The following CEP15 variants were observed in gnomAD, a reference collection of about 807,000 sequenced individuals.
CEP15 encodes centrosomal protein 15.
At chr3:62,322,181 C>G in the CEP15 span, 1 of 977,784 alleles carries the variant, frequency 1.0e-6, no homozygotes, top group East Asian at 2.6e-5. This position sits in a 1 kb window ranked among gnomAD's most constrained non-coding sequence, Gnocchi z 5.5. Flanking sequence ...AAAGCAGCAT[C>G]TTTTTTAAAA....
At chr3:62,335,900 A>C in the CEP15 span, 7 of 152,172 alleles carry the variant, frequency 4.6e-5, no homozygotes, top group Non-Finnish European at 1.0e-4. Context: ...AGATCAGAAG[A>C]AGCTACAGTT....
chr3:62,333,241 A>G, the CEP15 span: 1 of 1,592,796 alleles, frequency 6.3e-7, no homozygotes, highest in Non-Finnish European at 8.6e-7. This position sits in a 1 kb window ranked among gnomAD's most constrained non-coding sequence, Gnocchi z 4.0. Context: ...TTACTTTTGG[A>G]TTTTTTTTTC....
At chr3:62,326,038 A>C in the CEP15 span, among the ~76,000 whole-genome samples, 2 of 152,004 alleles carry the variant, frequency 1.3e-5, no homozygotes, top group East Asian at 3.9e-4. Flanking sequence ...AAAAAAAAAA[A>C]AAGGCAATTC....
the CEP15 span, among the ~76,000 whole-genome samples, chr3:62,323,702 A>G: frequency 6.6e-6 from 1 of 152,204 alleles, no homozygotes; most frequent in Non-Finnish European, 1.5e-5. Context: ...TCATACATAT[A>G]TAAGGAACAT....
At chr3:62,321,899 T>A in the CEP15 span, 1 of 1,517,370 alleles carries the variant, frequency 6.6e-7, no homozygotes, top group Non-Finnish European at 8.9e-7. This position sits in a 1 kb window ranked among gnomAD's most constrained non-coding sequence, Gnocchi z 4.1. Flanking sequence ...TTTACTTTTT[T>A]AACTCTATAT....
At chr3:62,332,928 A>G in the CEP15 span, among the ~76,000 whole-genome samples, 2 of 152,096 alleles carry the variant, frequency 1.3e-5, no homozygotes, top group East Asian at 3.9e-4. Flanking sequence ...TTTAATGATT[A>G]TATCACCATA....
At chr3:62,331,394 C>G in the CEP15 span, 1 of 1,612,708 alleles carries the variant, frequency 6.2e-7, no homozygotes, top group Non-Finnish European at 8.5e-7. Flanking sequence ...GGTGGTTTCT[C>G]TTGAGGTGAG....
chr3:62,332,799 C>A, the CEP15 span, among the ~76,000 whole-genome samples: 20 of 152,148 alleles, frequency 1.3e-4, no homozygotes, highest in Middle Eastern at 3.4e-3. Flanking sequence ...CTGATCTCAT[C>A]CCAGGTCAAA....
chr3:62,333,540 T>C, the CEP15 span: 1 of 786,594 alleles, frequency 1.3e-6, no homozygotes, highest in Non-Finnish European at 1.9e-6. The surrounding 1 kb of genome is among the most constrained non-coding windows in gnomAD (Gnocchi z 4.0). Context: ...TACTGGCAAG[T>C]CACATGTTAT....
At chr3:62,325,557 G>A in the CEP15 span, among the ~76,000 whole-genome samples, 1 of 152,118 alleles carries the variant, frequency 6.6e-6, no homozygotes, top group Non-Finnish European at 1.5e-5. Context: ...AACACAGGGT[G>A]GGTGATTTTT....
the CEP15 span, chr3:62,319,188 A>G: frequency 6.5e-6 from 1 of 152,698 alleles, no homozygotes; most frequent in Non-Finnish European, 1.5e-5. Flanking sequence ...TCCTTTGGGT[A>G]TAAGCGGGAG....
chr3:62,332,617 A>G, the CEP15 span, among the ~76,000 whole-genome samples: 3 of 152,094 alleles, frequency 2.0e-5, no homozygotes, highest in Admixed American at 6.6e-5. Context: ...AGTCAGACCA[A>G]TAATACAGCA....
At chr3:62,330,490 C>T in the CEP15 span, among the ~76,000 whole-genome samples, 19 of 152,190 alleles carry the variant, frequency 1.2e-4, no homozygotes, top group South Asian at 3.7e-3. Flanking sequence ...TAAAAATTTG[C>T]GGAGTCCTGC....
At chr3:62,329,524 G>C in the CEP15 span, among the ~76,000 whole-genome samples, 3 of 152,188 alleles carry the variant, frequency 2.0e-5, no homozygotes, top group African/African-American at 7.2e-5. Flanking sequence ...GTAATCAGAG[G>C]TGAGCATGTC....
At chr3:62,333,248 T>C in the CEP15 span, 1 of 1,606,546 alleles carries the variant, frequency 6.2e-7, no homozygotes, top group African/African-American at 1.3e-5. The surrounding 1 kb of genome is among the most constrained non-coding windows in gnomAD (Gnocchi z 4.0). Flanking sequence ...TGGATTTTTT[T>C]TTCCAGACTC....
the CEP15 span, among the ~76,000 whole-genome samples, chr3:62,329,881 G>C: frequency 6.6e-6 from 1 of 151,898 alleles, no homozygotes; most frequent in South Asian, 2.1e-4. Context: ...GATTTATAAA[G>C]GTAAAAAACA....
the CEP15 span, chr3:62,319,119 G>T: frequency 6.6e-6 from 1 of 152,374 alleles, no homozygotes; most frequent in Non-Finnish European, 1.5e-5. Context: ...GGCCTTGCAG[G>T]ACCGCTGGGG....
the CEP15 span, among the ~76,000 whole-genome samples, chr3:62,330,763 T>C: frequency 6.6e-6 from 1 of 152,162 alleles, no homozygotes; most frequent in Non-Finnish European, 1.5e-5. Flanking sequence ...TGTCACTAAG[T>C]ACTGAGGTAT....
chr3:62,331,240 GA>G, the CEP15 span: 1 of 1,161,702 alleles, frequency 8.6e-7, no homozygotes, highest in Non-Finnish European at 1.3e-6. Context: ...TGAGGTGAGA[GA>G]TTTGGGATAC....
Sources: allele counts gnomAD v4.1 joint callset (sites outside exome capture counted in the v4.1 genomes callset), GRCh38; gene constraint gnomAD v4.1.1; non-coding constraint Gnocchi (gnomAD v3.1); transcripts MANE v1.5; gene names NCBI Gene and HGNC (gene_info 2026-07-23, HGNC 2026-07-21).